Variants in NUAK1 observed in about 807,000 individuals in gnomAD.
NUAK1 encodes NUAK family SNF1-like kinase 1.
A neutral mutation model predicts 56.9 loss-of-function variants in NUAK1; 26 were observed. The ratio of observed to expected loss-of-function variants is 0.46; its 90% CI spans 0.33 to 0.63. The LOEUF is 0.63. NUAK1 is among the 30% of genes least tolerant of loss of function. NUAK1 has a pLI of 0.02. For synonymous variants in NUAK1, 337 were observed against 336.0 expected, an observed-to-expected ratio of 1.00 and a Z score of -0.03; for missense variants, 727 against 876.1, an observed-to-expected ratio of 0.83 and a Z score of 2.15.
At chr12:106,104,957 C>CT (rs201749100) in intron 2 of NUAK1, among the ~76,000 whole-genome samples, 3,138 of 141,372 alleles carry the variant, frequency 0.022, 93 homozygotes, top group African/African-American at 0.072. Flanking sequence ...GTTCATTTTT[C>CT]TTTTTTTTTT....
intron 1 of NUAK1, among the ~76,000 whole-genome samples, chr12:106,114,348 T>C (rs2032895468): frequency 6.6e-6 from 1 of 152,210 alleles, no homozygotes; most frequent in Non-Finnish European, 1.5e-5. Flanking sequence ...CCAAGGCGAC[T>C]CCTATAAGGA....
chr12:106,113,268 G>A (rs1426932412), intron 1 of NUAK1, among the ~76,000 whole-genome samples: 3 of 152,162 alleles, frequency 2.0e-5, no homozygotes, highest in African/African-American at 7.2e-5. Flanking sequence ...GATACAAACC[G>A]TGGCTGACCA....
At chr12:106,134,640 A>G (rs1370470092) in intron 1 of NUAK1, among the ~76,000 whole-genome samples, 1 of 152,210 alleles carries the variant, frequency 6.6e-6, no homozygotes, top group East Asian at 1.9e-4. Flanking sequence ...CACAGGACAT[A>G]AAATTGTGTG....
chr12:106,135,819 C>G (rs556571748), intron 1 of NUAK1, among the ~76,000 whole-genome samples: 1 of 152,198 alleles, frequency 6.6e-6, no homozygotes, highest in Non-Finnish European at 1.5e-5. Context: ...CAGAAGAAAA[C>G]TCCAAGTTCA....
intron 4 of NUAK1, among the ~76,000 whole-genome samples, chr12:106,073,572 G>A (rs925633283): frequency 1.3e-5 from 2 of 152,024 alleles, no homozygotes; most frequent in African/African-American, 2.4e-5. Context: ...GAAATCAATC[G>A]AGATGAGACC....
chr12:106,124,554 T>C (rs1247806588), intron 1 of NUAK1, among the ~76,000 whole-genome samples: 1 of 152,176 alleles, frequency 6.6e-6, no homozygotes, highest in Non-Finnish European at 1.5e-5. Flanking sequence ...ACTGCCACTT[T>C]GAAACAATTT....
intron 1 of NUAK1, among the ~76,000 whole-genome samples, chr12:106,127,723 C>A (rs2033037088): frequency 6.6e-6 from 1 of 152,114 alleles, no homozygotes; most frequent in African/African-American, 2.4e-5. Flanking sequence ...AAAAAACAAG[C>A]AATAGGAAAT....
chr12:106,133,924 C>T (rs1017074689), intron 1 of NUAK1, among the ~76,000 whole-genome samples: 1 of 152,180 alleles, frequency 6.6e-6, no homozygotes, highest in Non-Finnish European at 1.5e-5. Flanking sequence ...TGGTGAGTAG[C>T]ACATGGCAGA....
chr12:106,107,677 C>A (rs1477744504), intron 1 of NUAK1, among the ~76,000 whole-genome samples: 1 of 152,238 alleles, frequency 6.6e-6, no homozygotes, highest in Non-Finnish European at 1.5e-5. Flanking sequence ...TCAACCCCAG[C>A]CAGCCTCAGC....
At chr12:106,098,739 G>C (rs930237593) in intron 2 of NUAK1, among the ~76,000 whole-genome samples, 5 of 151,938 alleles carry the variant, frequency 3.3e-5, no homozygotes, top group Non-Finnish European at 7.4e-5. Flanking sequence ...AAAGATGTTT[G>C]TTCTCAGTGG....
At position 106,066,646 on chromosome 12, in the gene NUAK1, G is replaced by C. The variant is rs575607573; in HGVS notation, c.*156C>G. On this transcript the variant is annotated 3_prime_UTR_variant, in exon 7 of 7. Transcript: ENST00000261402. ...AGAAGAGCCCACCTCTCCCTTTTAGGTGTTGGCTCAAGGCTGCAAACTTGG... is the reference window on the plus strand; with the variant it reads ...AGAAGAGCCCACCTCTCCCTTTTAGCTGTTGGCTCAAGGCTGCAAACTTGG... 9 of 684,516 alleles carry C rather than the reference G, an allele frequency of 1.3e-5. No individual in the cohort carries two copies. The African/African-American group carries it at 1.6e-4, about 12-fold the overall frequency. The allele number at this position is 684,516 out of a possible 1,614,324, so 42.4% of individuals were successfully genotyped here.
At position 106,067,899 on chromosome 12, in the gene NUAK1, T is replaced by C. The variant is rs769881661; in HGVS notation, c.889A>G (p.Ile297Val). Residue 297 changes from isoleucine to valine, a missense_variant, in exon 7 of 7, where the codon ATT becomes GTT. By Grantham distance (29) the Ile-to-Val change is conservative (BLOSUM62 3). Transcript: ENST00000261402. The surrounding 1 kb of genome is among the most constrained non-coding windows in gnomAD (Gnocchi z 6.0). ...CACCAGTGGTTGGCAATGTCCTCAA[T>C]AGTGGCCCGGCGATCGGGGTTCACC... ...LMVNPDRRAT[I>V]EDIANHWWVN... 1.1e-5 allele frequency: 18 copies of C among 1,613,926 alleles called. No homozygotes were observed. The highest frequency in any genetic ancestry group is 1.1e-5 in the South Asian group (1 of 91,072).
intron 2 of NUAK1, among the ~76,000 whole-genome samples, chr12:106,090,824 C>G (rs972494332): frequency 6.6e-6 from 1 of 152,186 alleles, no homozygotes; most frequent in Non-Finnish European, 1.5e-5. Flanking sequence ...TAAGACTTTC[C>G]TCTCCCTGCT....
In NUAK1 at chr12:106,072,815, T is replaced by C; in HGVS notation, c.608A>G (p.Tyr203Cys). ...CGTTTGTAAGAACTTATCCTTCTGG[T>C]ACAGGTTGGAAAGCCCAAAGTCAGC... ...KIADFGLSNLYQKDKFLQTFC... is the reference protein window; with the variant it reads ...KIADFGLSNLCQKDKFLQTFC... The change falls in exon 5 of 7, where the codon TAC becomes TGC. Residue 203 changes from tyrosine to cysteine, a missense_variant. Physicochemically the swap from Tyr to Cys is radical, Grantham distance 194. Coordinates refer to ENST00000261402, the MANE Select transcript of NUAK1 (RefSeq NM_014840.3). The C allele has an allele frequency of 6.2e-7, 1 of 1,614,056 alleles. No individual in the cohort carries two copies. The highest frequency in any genetic ancestry group is 8.5e-7 in the Non-Finnish European group (1 of 1,179,946).
At chr12:106,090,286 G>A (rs1364442725) in intron 2 of NUAK1, among the ~76,000 whole-genome samples, 7 of 152,076 alleles carry the variant, frequency 4.6e-5, no homozygotes, top group Non-Finnish European at 7.4e-5. Flanking sequence ...CAAGTCTCAC[G>A]GTCAAGGCCC....
At chr12:106,081,597 A>C (rs1246731222) in intron 4 of NUAK1, among the ~76,000 whole-genome samples, 1 of 152,200 alleles carries the variant, frequency 6.6e-6, no homozygotes, top group Non-Finnish European at 1.5e-5. Context: ...GCCCAACATC[A>C]TTGCCCTTTT....
intron 4 of NUAK1, among the ~76,000 whole-genome samples, chr12:106,080,352 G>T (rs1459102417): frequency 6.6e-6 from 1 of 152,202 alleles, no homozygotes; most frequent in Non-Finnish European, 1.5e-5. Context: ...TCTTCTCATT[G>T]TAAGACATTT....
chr12:106,129,428 GA>G (rs1484461153), intron 1 of NUAK1, among the ~76,000 whole-genome samples: 2 of 152,228 alleles, frequency 1.3e-5, no homozygotes, highest in African/African-American at 4.8e-5. Context: ...TGACGAGTGA[GA>G]CAGACAGCAG....
At chr12:106,091,931 C>T (rs754656207) in intron 2 of NUAK1, among the ~76,000 whole-genome samples, 1 of 152,144 alleles carries the variant, frequency 6.6e-6, no homozygotes, top group Non-Finnish European at 1.5e-5. Context: ...GATGGTGGCT[C>T]ACACCTGAAA....
Sources: allele counts gnomAD v4.1 joint callset (sites outside exome capture counted in the v4.1 genomes callset), GRCh38; gene constraint gnomAD v4.1.1; non-coding constraint Gnocchi (gnomAD v3.1); transcripts MANE v1.5; gene names NCBI Gene and HGNC (gene_info 2026-07-23, HGNC 2026-07-21).